RANBP17: variants seen among roughly 807,000 people sequenced by gnomAD.
RANBP17 encodes the protein ran-binding protein 17.
In RANBP17, 158 loss-of-function variants were observed where a neutral mutation model predicts 141.2. The observed-to-expected ratio is 1.12, with a 90% CI of 0.98 to 1.28. The LOEUF is 1.28. Among genes scored for constraint, RANBP17 ranks in the 50% most tolerant of loss-of-function variants. The pLI is 0.00. For synonymous variants in RANBP17, 430 were observed against 450.0 expected, an observed-to-expected ratio of 0.96 and a Z score of 0.56; for missense variants, 1,438 against 1,290.7, an observed-to-expected ratio of 1.11 and a Z score of -1.75.
At chr5:170,904,131 A>G (rs528741930) in intron 5 of RANBP17, 41 of 361,470 alleles carry the variant, frequency 1.1e-4, no homozygotes, top group African/African-American at 8.4e-4. Flanking sequence ...AAATATTGAA[A>G]GATTAAAACC....
intron 16 of RANBP17, among the ~76,000 whole-genome samples, chr5:171,175,523 T>G (rs1435101763): frequency 6.6e-6 from 1 of 152,162 alleles, no homozygotes; most frequent in African/African-American, 2.4e-5. Flanking sequence ...AGAAAATTTT[T>G]TTAATCTCTC....
intron 1 of RANBP17, among the ~76,000 whole-genome samples, chr5:170,871,247 C>T (rs1041571512): frequency 6.6e-6 from 1 of 152,128 alleles, no homozygotes; most frequent in East Asian, 1.9e-4. Context: ...CAGGGTTTCA[C>T]TATGTTGGCC....
intron 5 of RANBP17, among the ~76,000 whole-genome samples, chr5:170,898,216 A>G (rs1462422099): frequency 6.6e-6 from 1 of 152,078 alleles, no homozygotes; most frequent in Non-Finnish European, 1.5e-5. Flanking sequence ...ACATTATGTA[A>G]TGCCCTTCTT....
chr5:170,930,349 C>G (rs562007446), intron 12 of RANBP17, among the ~76,000 whole-genome samples: 2 of 151,204 alleles, frequency 1.3e-5, no homozygotes, highest in East Asian at 1.9e-4. Flanking sequence ...TAGTTGCATC[C>G]CACGAGTTTT....
intron 14 of RANBP17, among the ~76,000 whole-genome samples, chr5:171,022,114 C>G (rs771683048): frequency 5.9e-5 from 9 of 152,116 alleles, no homozygotes; most frequent in Non-Finnish European, 1.0e-4. Flanking sequence ...CCGGTTCACT[C>G]CCATACCTGG....
chr5:170,924,102 A>G (rs552336935), intron 11 of RANBP17, among the ~76,000 whole-genome samples: 1 of 151,690 alleles, frequency 6.6e-6, no homozygotes, highest in East Asian at 1.9e-4. Flanking sequence ...AGTTCAAGCA[A>G]TTCTCATGCC....
At chr5:170,875,740 A>G (rs1007580951) in intron 1 of RANBP17, among the ~76,000 whole-genome samples, 3 of 151,936 alleles carry the variant, frequency 2.0e-5, no homozygotes, top group African/African-American at 7.2e-5. Context: ...TCTGAAGCCT[A>G]CTTCTGTCAG....
Position 171,046,499 on chromosome 5 carries a change from G to A in RANBP17, c.1710+78122G>A, listed in dbSNP as rs546803460. On this transcript the variant is annotated intron_variant, in intron 14 of 27. Transcript: ENST00000523189. ...CTGGGATTACAGGATGAGCCACCGT[G>A]CCCGGCCAGTTCTGCCTTTTTAATG... Among the ~76,000 whole-genome samples the A allele has an allele frequency of 2.6e-5, 4 of 152,112 alleles. No individual in the cohort carries two copies. In the South Asian group the frequency reaches 6.2e-4, roughly 24 times the overall value.
chr5:171,051,920 G>T (rs547915984), intron 14 of RANBP17, among the ~76,000 whole-genome samples: 1 of 151,958 alleles, frequency 6.6e-6, no homozygotes, highest in Non-Finnish European at 1.5e-5. Flanking sequence ...CTTTCTTGTT[G>T]TTGTTTTATG....
chr5:171,272,227 T>C (rs890035796), intron 25 of RANBP17, among the ~76,000 whole-genome samples: 1 of 152,098 alleles, frequency 6.6e-6, no homozygotes, highest in African/African-American at 2.4e-5. Flanking sequence ...ATCAAACAAC[T>C]ACCTATTGGG....
intron 16 of RANBP17, among the ~76,000 whole-genome samples, chr5:171,171,856 A>T (rs1382700099): frequency 6.6e-6 from 1 of 151,978 alleles, no homozygotes; most frequent in Non-Finnish European, 1.5e-5. Flanking sequence ...CTAAAATAAG[A>T]TTCCCCATTA....
intron 25 of RANBP17, among the ~76,000 whole-genome samples, chr5:171,285,242 T>G (rs965277701): frequency 6.6e-6 from 1 of 152,240 alleles, no homozygotes; most frequent in African/African-American, 2.4e-5. Context: ...TTAGATAGAA[T>G]CAGAGCACAT....
chr5:171,034,603 A>G (rs1781755450), intron 14 of RANBP17, among the ~76,000 whole-genome samples: 1 of 152,176 alleles, frequency 6.6e-6, no homozygotes, highest in Non-Finnish European at 1.5e-5. Flanking sequence ...TTTGAATTAC[A>G]TGAATGTTTT....
chr5:171,041,703 A>G lies in RANBP17; in HGVS notation c.1710+73326A>G, dbSNP rs145300622. On this transcript the variant is annotated intron_variant, in intron 14 of 27. Coordinates refer to ENST00000523189, the MANE Select transcript of RANBP17 (RefSeq NM_022897.5). ...ATGGTAAGTACTTATGTATCTAATCATAGAAAAGGCACAGTAAAAAATACA... is the reference window on the plus strand; with the variant it reads ...ATGGTAAGTACTTATGTATCTAATCGTAGAAAAGGCACAGTAAAAAATACA... Among the ~76,000 whole-genome samples the G allele has an allele frequency of 6.4e-3, 977 of 152,282 alleles. 8 individuals carry two copies. The highest frequency in any genetic ancestry group is 0.01 in the Non-Finnish European group (684 of 68,034).
rs187705769 is a variant in RANBP17 at position 171,152,572 on chromosome 5, A to G, written c.1711-17558A>G. On this transcript the variant is annotated intron_variant, in intron 14 of 27. Transcript: ENST00000523189. ...CTGTTGCTCATGACATCAAGCCAGT[A>G]CTCTGGCTTTTAAGGTTCTCCATAA... 5.1e-4 allele frequency among the ~76,000 whole-genome samples: 77 copies of G among 152,100 alleles called. 2 individuals are homozygous for G. In the East Asian group the frequency reaches 0.011, roughly 22 times the overall value.
At chr5:170,973,075 A>G (rs916488500) in intron 14 of RANBP17, among the ~76,000 whole-genome samples, 1 of 152,128 alleles carries the variant, frequency 6.6e-6, no homozygotes. Flanking sequence ...TTCATTACTC[A>G]GTGACTATTG....
rs924021872 is a variant in RANBP17 at position 171,059,105 on chromosome 5, T to C, written c.1710+90728T>C. 2.9e-4 allele frequency among the ~76,000 whole-genome samples: 44 copies of C among 152,092 alleles called. 1 individual carries two copies. Among genetic ancestry groups the C allele is most frequent in the African/African-American group, 8.4e-4 (35 of 41,534 alleles). On this transcript the variant is annotated intron_variant, in intron 14 of 27. Coordinates refer to ENST00000523189, the MANE Select transcript of RANBP17 (RefSeq NM_022897.5). ...TAGGTTGCGAAAATTTTCTCCCATT[T>C]TGTAGGTTGCCTGTTCACTCTGATG... is the stretch of plus-strand genomic sequence containing the variant.
intron 14 of RANBP17, among the ~76,000 whole-genome samples, chr5:171,168,186 C>G (rs1486581001): frequency 6.6e-6 from 1 of 152,108 alleles, no homozygotes; most frequent in African/African-American, 2.4e-5. Flanking sequence ...AGCGCCATGA[C>G]AGAGGAATGG....
At chr5:171,239,289 A>G (rs901079406) in intron 22 of RANBP17, among the ~76,000 whole-genome samples, 2 of 152,216 alleles carry the variant, frequency 1.3e-5, no homozygotes, top group Non-Finnish European at 2.9e-5. Flanking sequence ...AATGCTCCAC[A>G]TACATGGAAC....
Sources: gnomAD v4.1 joint callset for allele counts (sites outside exome capture counted in the v4.1 genomes callset) on GRCh38, gnomAD v4.1.1 for gene constraint, MANE v1.5 for transcripts, NCBI Gene and HGNC (gene_info 2026-07-23, HGNC 2026-07-21) for gene names.